Variants in RGMB observed in about 807,000 individuals in gnomAD.
RGMB encodes the protein repulsive guidance molecule BMP co-receptor b.
A neutral mutation model predicts 26.9 loss-of-function variants in RGMB; 16 were observed. The observed-to-expected ratio is 0.60, with a 90% CI of 0.40 to 0.90. The LOEUF is 0.90. RGMB is among the 40% of genes least tolerant of loss of function. The pLI is 0.00. For synonymous variants in RGMB, 225 were observed against 229.3 expected (o/e 0.98, Z 0.17); for missense variants, 512 against 573.3 (o/e 0.89, Z 1.09).
At chr5:98,777,622 T>C (rs1746458865) in intron 1 of RGMB, among the ~76,000 whole-genome samples, 1 of 152,232 alleles carries the variant, frequency 6.6e-6, no homozygotes, top group Non-Finnish European at 1.5e-5. Flanking sequence ...ATTTCCCATC[T>C]GCAAAATGGC....
intron 2 of RGMB, among the ~76,000 whole-genome samples, chr5:98,783,759 A>G (rs1160279203): frequency 6.6e-6 from 1 of 152,264 alleles, no homozygotes; most frequent in Non-Finnish European, 1.5e-5. Context: ...TAAAATTGCC[A>G]GTCTCCAGGG....
At chr5:98,772,605 T>A (rs1383877534), upstream of RGMB, 1 of 152,180 alleles carries the variant, frequency 6.6e-6, no homozygotes, top group Non-Finnish European at 1.5e-5. Flanking sequence ...TGAGATTAGA[T>A]ACCACTTCAC....
intron 2 of RGMB, chr5:98,780,351 C>A: frequency 2.6e-6 from 1 of 391,084 alleles, no homozygotes; most frequent in Non-Finnish European, 4.5e-6. Flanking sequence ...AGGGAAAAGG[C>A]AGACCTGTTT....
upstream of RGMB, chr5:98,773,624 A>AGT: frequency 7.0e-6 from 2 of 286,944 alleles, no homozygotes; most frequent in Non-Finnish European, 1.3e-5. Context: ...GCGGGACGGC[A>AGT]GTGCGGGACT....
At chr5:98,792,156 A>C (rs574543481) in intron 2 of RGMB, among the ~76,000 whole-genome samples, 3 of 152,208 alleles carry the variant, frequency 2.0e-5, no homozygotes, top group Non-Finnish European at 2.9e-5. Flanking sequence ...GGACTAATAG[A>C]AATCTTTCCT....
chr5:98,779,662 C>T lies in RGMB; in HGVS notation c.219C>T (p.Ala73=), dbSNP rs1408898699. The change falls in exon 2 of 3, where the codon GCC becomes GCT. Residue 73 remains alanine (A), a synonymous_variant. Transcript: ENST00000513185. ...CCCTGACTTCTCACCTGAACTCTGC[C>T]GTTGACGGCTTTGACTCTGAGTTTT... ...FVSLTSHLNS[A]VDGFDSEFCK... 6 of 1,572,462 alleles carry T rather than the reference C, an allele frequency of 3.8e-6. No homozygotes were observed. In the South Asian group the frequency reaches 4.8e-5, roughly 13 times the overall value.
intron 1 of RGMB, among the ~76,000 whole-genome samples, chr5:98,776,444 A>C (rs1481227491): frequency 6.6e-6 from 1 of 152,074 alleles, no homozygotes; most frequent in Non-Finnish European, 1.5e-5. Context: ...TTACTCATAC[A>C]CTTCATGGCC....
intron 1 of RGMB, among the ~76,000 whole-genome samples, chr5:98,777,611 G>T (rs1746458599): frequency 6.6e-6 from 1 of 152,118 alleles, no homozygotes; most frequent in Non-Finnish European, 1.5e-5. Context: ...CTTTGCCTTG[G>T]ATTTCCCATC....
Position 98,773,872 on chromosome 5 carries a change from T to TGCC in RGMB, c.-193_-191dup, listed in dbSNP as rs947597142. On this transcript the variant is annotated 5_prime_UTR_variant, in exon 1 of 3. Coordinates refer to ENST00000513185, the MANE Select transcript of RGMB (RefSeq NM_001366508.1). Reference sequence around the variant, plus strand: ...CCACGATGCCCCTGCGCCCCGCTGCTGCCGCCGCGGACTGGCTGCGCCGGC... The same window carrying TGCC: ...CCACGATGCCCCTGCGCCCCGCTGCTGCCGCCGCCGCGGACTGGCTGCGCCGGC... The TGCC allele has an allele frequency of 4.0e-6, 2 of 504,784 alleles. No homozygotes were observed. Among genetic ancestry groups the TGCC allele is most frequent in the African/African-American group, 4.1e-5 (2 of 48,694 alleles). 31.3% of individuals were successfully genotyped at this position (504,784 alleles called of 1,614,324 possible). A position where few individuals can be genotyped will look rare whatever the true frequency, so the allele number is the denominator to read the frequency against.
intron 2 of RGMB, 81 bp downstream of exon 2, chr5:98,780,169 TA>T: frequency 7.6e-7 from 1 of 1,307,246 alleles, no homozygotes; most frequent in Admixed American, 2.2e-5. Flanking sequence ...TGAAATGTGC[TA>T]TAAAGGGCCT....
At chr5:98,770,522 C>T (rs1561432698), upstream of RGMB, 3 of 656,076 alleles carry the variant, frequency 4.6e-6, no homozygotes, top group East Asian at 1.0e-4. Context: ...TGATGAGCCC[C>T]CCGCAAGCCC....
Position 98,793,525 on chromosome 5 carries a change from G to A in RGMB, c.1086G>A (p.Met362Ile), listed in dbSNP as rs781683291. The A allele has an allele frequency of 9.9e-6, 16 of 1,613,896 alleles. No homozygotes were observed. The highest frequency in any genetic ancestry group is 1.3e-5 in the Non-Finnish European group (15 of 1,179,904). ...CCAACACTCAATGCCATGAGAAGAT[G>A]CCAGTGAAGGACATCTATTTCCAGT... ...ETANTQCHEK[M>I]PVKDIYFQSC... The change falls in exon 3 of 3, where the codon ATG becomes ATA. Residue 362 changes from methionine to isoleucine, a missense_variant. Met to Ile is a conservative substitution (Grantham distance 10, BLOSUM62 1). Coordinates refer to ENST00000513185, the MANE Select transcript of RGMB (RefSeq NM_001366508.1).
At chr5:98,777,043 G>A (rs1017622838) in intron 1 of RGMB, among the ~76,000 whole-genome samples, 3 of 150,676 alleles carry the variant, frequency 2.0e-5, no homozygotes, top group South Asian at 2.1e-4. Context: ...CCGAGATCGC[G>A]CCACTGCTCT....
chr5:98,785,302 A>G (rs532017965), intron 2 of RGMB, among the ~76,000 whole-genome samples: 2 of 152,364 alleles, frequency 1.3e-5, no homozygotes, highest in East Asian at 3.9e-4. Context: ...TAAAATTTGC[A>G]GCAGTTGGTG....
At chr5:98,768,936 G>A (rs921114609), upstream of RGMB, 1 of 152,218 alleles carries the variant, frequency 6.6e-6, no homozygotes, top group Non-Finnish European at 1.5e-5. Flanking sequence ...CCTTGGCCGG[G>A]GCGCGGAGTG....
chr5:98,784,290 G>A (rs751351591), intron 2 of RGMB, among the ~76,000 whole-genome samples: 1 of 152,200 alleles, frequency 6.6e-6, no homozygotes, highest in Non-Finnish European at 1.5e-5. Flanking sequence ...ATTATGGATA[G>A]TCTAAATTCC....
At chr5:98,784,704 T>C (rs1580285233) in intron 2 of RGMB, among the ~76,000 whole-genome samples, 1 of 152,248 alleles carries the variant, frequency 6.6e-6, no homozygotes, top group East Asian at 1.9e-4. Context: ...CTAGTACATT[T>C]ATTGTAGCTA....
chr5:98,774,584 C>T (rs998322819), intron 1 of RGMB, among the ~76,000 whole-genome samples: 3 of 152,156 alleles, frequency 2.0e-5, no homozygotes, highest in Admixed American at 6.5e-5. Flanking sequence ...GATCAGGTTT[C>T]CGCCGTCGCA....
rs1223104948 is a variant in RGMB, at chr5:98,795,241, T to TA, written c.*1489dup. On this transcript the variant is annotated 3_prime_UTR_variant, in exon 3 of 3. Transcript: ENST00000513185. ...GTAAATCTTTAGTTCCAAGAAGTGA[T>TA]AGAGTTTCTGCTTTAATAATTTGTT... The TA allele has an allele frequency of 6.6e-6, 1 of 152,244 alleles. No homozygotes were observed. Among genetic ancestry groups the TA allele is most frequent in the Admixed American group, 6.5e-5 (1 of 15,282 alleles). The allele number at this position is 152,244 out of a possible 1,614,324, so 9.4% of individuals were successfully genotyped here. A position where few individuals can be genotyped will look rare whatever the true frequency, so the allele number is the denominator to read the frequency against.
Sources: gnomAD v4.1 joint callset for allele counts (sites outside exome capture counted in the v4.1 genomes callset) on GRCh38, gnomAD v4.1.1 for gene constraint, MANE v1.5 for transcripts, NCBI Gene and HGNC (gene_info 2026-07-23, HGNC 2026-07-21) for gene names.